The following ENPP1 variants were observed in gnomAD, a reference collection of about 807,000 sequenced individuals.
The protein encoded by ENPP1 is ectonucleotide pyrophosphatase/phosphodiesterase 1.
Under a neutral mutation model 122.8 loss-of-function variants are expected in ENPP1, and 73 were observed. The ratio of observed to expected loss-of-function variants is 0.59; its 90% CI spans 0.49 to 0.72. The LOEUF is 0.72. ENPP1 is among the 30% of genes least tolerant of loss of function. The probability of loss-of-function intolerance (pLI) is 0.00; values close to 1 mark genes in which losing one functional copy is unlikely to be tolerated. For missense variants in ENPP1, 978 were observed against 1,128.1 expected (o/e 0.87, Z 1.91); for synonymous variants, 367 against 391.6 (o/e 0.94, Z 0.74).
At chr6:131,826,353 T>C (rs1362860202) in intron 1 of ENPP1, 13 of 1,228,160 alleles carry the variant, frequency 1.1e-5, no homozygotes, top group East Asian at 4.7e-5. Context: ...AATAATGTAG[T>C]TTGCTGCATA....
intron 23 of ENPP1, 119 bp downstream of exon 23, chr6:131,885,182 C>A: frequency 1.2e-6 from 1 of 868,214 alleles, no homozygotes; most frequent in Non-Finnish European, 1.9e-6. Flanking sequence ...ATGTGTATGA[C>A]ACTTCTGACT....
intron 6 of ENPP1, among the ~76,000 whole-genome samples, chr6:131,855,771 TA>T (rs1373584504): frequency 1.3e-5 from 2 of 151,722 alleles, no homozygotes; most frequent in Non-Finnish European, 1.5e-5. Flanking sequence ...TTTTTTTTTT[TA>T]AATCCCAATC....
At chr6:131,889,776 A>G (rs1169655204) in intron 24 of ENPP1, among the ~76,000 whole-genome samples, 1 of 152,050 alleles carries the variant, frequency 6.6e-6, no homozygotes, top group Non-Finnish European at 1.5e-5. Flanking sequence ...TGTATAATAG[A>G]ATGATTTATA....
intron 11 of ENPP1, among the ~76,000 whole-genome samples, chr6:131,865,731 C>T (rs1250223802): frequency 2.6e-5 from 4 of 152,208 alleles, no homozygotes; most frequent in African/African-American, 7.2e-5. Flanking sequence ...CCATGGCTAA[C>T]GCCTGTAATC....
intron 1 of ENPP1, among the ~76,000 whole-genome samples, chr6:131,816,979 G>C (rs2114654267): frequency 6.6e-6 from 1 of 152,280 alleles, no homozygotes; most frequent in Admixed American, 6.5e-5. Flanking sequence ...TAAAGACAGA[G>C]ATTCCTAGGC....
chr6:131,837,749 A>G (rs918816227), intron 1 of ENPP1, among the ~76,000 whole-genome samples: 1 of 152,140 alleles, frequency 6.6e-6, no homozygotes, highest in East Asian at 1.9e-4. Context: ...CCAAGCTGAC[A>G]TAATTATGAG....
chr6:131,850,248 T>G (rs1279158081), intron 3 of ENPP1, 142 bp downstream of exon 3: 1 of 687,924 alleles, frequency 1.5e-6, no homozygotes, highest in Non-Finnish European at 2.6e-6. Context: ...GACATTAGCT[T>G]TTATATTTTC....
At chr6:131,848,223 T>A (rs75520563) in intron 2 of ENPP1, among the ~76,000 whole-genome samples, 71 of 152,332 alleles carry the variant, frequency 4.7e-4, no homozygotes, top group African/African-American at 1.7e-3. Context: ...CCTGTCAGTA[T>A]GTGCTCTTAA....
rs779101536 is a variant in ENPP1, at chr6:131,847,855, AGGT to A, written c.313+9_313+11del. 2.0e-4 allele frequency: 295 copies of A among 1,497,126 alleles called. 1 individual carries two copies. The African/African-American group carries it at 2.6e-3, about 13-fold the overall frequency. 92.7% of individuals were successfully genotyped at this position (1,497,126 alleles called of 1,614,324 possible). On this transcript the variant is annotated splice_region_variant and intron_variant, in intron 2 of 24. Coordinates refer to ENST00000647893, the MANE Select transcript of ENPP1 (RefSeq NM_006208.3). ...CCAAGCTGTGCCAAAGAAGGTAATT[AGGT>A]GTGTGTGTGTGTGTGTGTGTGTGTG...
At chr6:131,859,144 GC>G (rs1781984920) in intron 7 of ENPP1, among the ~76,000 whole-genome samples, 1 of 152,124 alleles carries the variant, frequency 6.6e-6, no homozygotes, top group African/African-American at 2.4e-5. Context: ...AAGCCACTTT[GC>G]CTGACTCCAA....
Position 131,861,995 on chromosome 6 carries a change from C to T in ENPP1, c.1025+291C>T, listed in dbSNP as rs112519511. On this transcript the variant is annotated intron_variant, in intron 9 of 24. Coordinates refer to ENST00000647893, the MANE Select transcript of ENPP1 (RefSeq NM_006208.3). ...ACCAGCCTGACCAAAGTGGTAAAAC[C>T]CCGTCTCTACTAAAAATACAAAAAT... is the stretch of plus-strand genomic sequence containing the variant. Among the ~76,000 whole-genome samples the T allele has an allele frequency of 0.012, 1,791 of 152,044 alleles. 27 individuals carry two copies. The highest frequency in any genetic ancestry group is 0.078 in the Middle Eastern group (23 of 294).
intron 1 of ENPP1, among the ~76,000 whole-genome samples, chr6:131,833,983 G>A (rs1781643625): frequency 6.6e-6 from 1 of 152,232 alleles, no homozygotes; most frequent in Non-Finnish European, 1.5e-5. Context: ...CTGCTGTGCA[G>A]TTGAGGTGTT....
Position 131,848,148 on chromosome 6 carries a change from A to T in ENPP1, c.313+300A>T, listed in dbSNP as rs145079654. 1.2e-4 allele frequency among the ~76,000 whole-genome samples: 18 copies of T among 152,230 alleles called. No individual in the cohort carries two copies. In the East Asian group the frequency reaches 3.3e-3, roughly 28 times the overall value. On this transcript the variant is annotated intron_variant, in intron 2 of 24. Transcript: ENST00000647893. ...TCTTTACTGCTCTTTTACCCTAAGG[A>T]GTTAGTTGCTGAAGCAACCCTGTAG...
At position 131,836,844 on chromosome 6, in the gene ENPP1, G is replaced by A. The variant is rs559166046; in HGVS notation, c.241-10932G>A. Among the ~76,000 whole-genome samples the A allele has an allele frequency of 1.1e-4, 17 of 152,254 alleles. No individual in the cohort carries two copies. In the East Asian group the frequency reaches 1.5e-3, roughly 14 times the overall value. ...TATGTTTATGGAAAGTGCGGTACTGGCATCCATAGGGCAGAGATTGTTTTT... is the reference window on the plus strand; with the variant it reads ...TATGTTTATGGAAAGTGCGGTACTGACATCCATAGGGCAGAGATTGTTTTT... On this transcript the variant is annotated intron_variant, in intron 1 of 24. Transcript: ENST00000647893.
intron 6 of ENPP1, 114 bp from the exon 7 acceptor site, chr6:131,858,554 C>A: frequency 2.9e-6 from 2 of 685,522 alleles, no homozygotes; most frequent in South Asian, 1.7e-5. Context: ...TGATTAAAAT[C>A]CCTCCTGGGC....
chr6:131,864,112 G>A (rs980426905), intron 9 of ENPP1, among the ~76,000 whole-genome samples: 2 of 152,138 alleles, frequency 1.3e-5, no homozygotes, highest in African/African-American at 4.8e-5. Flanking sequence ...GAAATACTGC[G>A]TAGAGAACTG....
In ENPP1 at chr6:131,894,263, T is replaced by A. The variant is rs1186510051; in HGVS notation, c.*3752T>A. 6.6e-6 allele frequency: 1 copy of A among 151,370 alleles called. No homozygotes were observed. Among genetic ancestry groups the A allele is most frequent in the Non-Finnish European group, 1.5e-5 (1 of 68,080 alleles). The allele number at this position is 151,370 out of a possible 1,614,324, so 9.4% of individuals were successfully genotyped here. On this transcript the variant is annotated 3_prime_UTR_variant, in exon 25 of 25. Transcript: ENST00000647893. Reference sequence around the variant, plus strand: ...GCCACTGCCTCCAGCCTATCCTGATTTCTACTGTCATGCCTCACATCAGTC... The same window carrying A: ...GCCACTGCCTCCAGCCTATCCTGATATCTACTGTCATGCCTCACATCAGTC...
At chr6:131,853,848 G>A (rs188640244) in intron 5 of ENPP1, among the ~76,000 whole-genome samples, 18 of 152,226 alleles carry the variant, frequency 1.2e-4, no homozygotes, top group East Asian at 3.9e-4. Context: ...AGCCATGGCC[G>A]TTTTGGGGTA....
chr6:131,811,582 C>G (rs914312449), intron 1 of ENPP1, among the ~76,000 whole-genome samples: 39 of 152,212 alleles, frequency 2.6e-4, no homozygotes, highest in Non-Finnish European at 1.9e-4. Context: ...AGTTGTTTAT[C>G]AAGCATTCAT....
Sources: gnomAD v4.1 joint callset for allele counts (sites outside exome capture counted in the v4.1 genomes callset) on GRCh38, gnomAD v4.1.1 for gene constraint, MANE v1.5 for transcripts, NCBI Gene and HGNC (gene_info 2026-07-23, HGNC 2026-07-21) for gene names.